Variants in PROSER1 observed in about 807,000 individuals in gnomAD.
PROSER1 encodes the protein proline and serine rich 1.
In PROSER1, 36 loss-of-function variants were observed where a neutral mutation model predicts 71.8. The observed-to-expected ratio is 0.50, with a 90% CI of 0.38 to 0.66. The LOEUF (loss-of-function observed/expected upper bound fraction) is 0.66, where lower values mean the gene tolerates loss of function less well. PROSER1 is among the 30% of genes least tolerant of loss of function. PROSER1 has a pLI of 0.00. For missense variants in PROSER1, 1,107 were observed against 1,135.0 expected (o/e 0.98, Z 0.35); for synonymous variants, 490 against 452.4 (o/e 1.08, Z -1.06).
At position 39,013,444 on chromosome 13, in the gene PROSER1, A is replaced by G. The variant is rs764403218; in HGVS notation, c.1808T>C (p.Leu603Pro). 20 of 1,614,016 alleles carry G rather than the reference A, an allele frequency of 1.2e-5. No individual in the cohort carries two copies. Among genetic ancestry groups the G allele is most frequent in the Non-Finnish European group, 1.5e-5 (18 of 1,180,042 alleles). The change falls in exon 11 of 13, where the codon CTT (leucine) becomes CCT (proline). Residue 603 changes from leucine (L) to proline (P), a missense_variant. Physicochemically the swap from Leu to Pro is moderately conservative, Grantham distance 98. Coordinates refer to ENST00000352251, the MANE Select transcript of PROSER1 (RefSeq NM_025138.5). ...GGGCTCAGTTTTGATCATAACAGGA[A>G]GAGTTGTTGCAGCAGGGGTAGATGA... is the stretch of plus-strand genomic sequence containing the variant. ...HISSTPAATT[L>P]PVMIKTEPTS...
At chr13:39,032,974 G>A (rs55662135) in intron 2 of PROSER1, among the ~76,000 whole-genome samples, 1,677 of 150,710 alleles carry the variant, frequency 0.011, 18 homozygotes, top group Non-Finnish European at 0.016. Flanking sequence ...AGGCTGGAGC[G>A]CAATGGCGCG....
intron 1 of PROSER1, among the ~76,000 whole-genome samples, chr13:39,035,466 C>T (rs3865000): frequency 0.32 from 48,865 of 152,028 alleles, 9,673 homozygotes; most frequent in African/African-American, 0.55. Context: ...CAGCTATAAG[C>T]AAGAAGTACA....
At chr13:39,022,436 A>T in intron 8 of PROSER1, 24 bp from the exon 9 acceptor site, 2 of 1,505,312 alleles carry the variant, frequency 1.3e-6, no homozygotes, top group Non-Finnish European at 1.9e-6. Context: ...ACAATAGAAA[A>T]AAATATACCT....
At chr13:39,032,231 T>C (rs1388310509) in intron 2 of PROSER1, among the ~76,000 whole-genome samples, 3 of 152,164 alleles carry the variant, frequency 2.0e-5, no homozygotes, top group Admixed American at 2.0e-4. Context: ...TCTAGTCCCT[T>C]AAAAATGTTA....
At chr13:39,018,262 G>A (rs1364177541) in intron 9 of PROSER1, among the ~76,000 whole-genome samples, 1 of 152,116 alleles carries the variant, frequency 6.6e-6, no homozygotes, top group Non-Finnish European at 1.5e-5. Flanking sequence ...TACAAAGGGA[G>A]AAAAATTTAA....
chr13:39,024,605 T>G, intron 6 of PROSER1, 49 bp from the exon 7 acceptor site: 6 of 1,357,408 alleles, frequency 4.4e-6, no homozygotes, highest in Non-Finnish European at 6.0e-6. Flanking sequence ...AAAAAAACCC[T>G]CAAACCAGTA....
In PROSER1 at chr13:39,012,993, A is replaced by C. The variant is rs1234565266; in HGVS notation, c.2259T>G (p.Ala753=). ...STAAVLSGLS[A]SAPVSAAPFP... ...AAGGTGCTGCTGAGACTGGTGCTGA[A>C]GCAGAAAGCCCTGAGAGAACAGCTG... Residue 753 remains alanine, a synonymous_variant, in exon 11 of 13, where the codon GCT becomes GCG. Coordinates refer to ENST00000352251, the MANE Select transcript of PROSER1 (RefSeq NM_025138.5). 2 of 1,614,174 alleles carry C rather than the reference A, an allele frequency of 1.2e-6. No individual in the cohort carries two copies. Among genetic ancestry groups the C allele is most frequent in the South Asian group, 2.2e-5 (2 of 91,086 alleles).
intron 5 of PROSER1, among the ~76,000 whole-genome samples, chr13:39,027,746 T>A (rs1156849729): frequency 6.6e-6 from 1 of 152,182 alleles, no homozygotes; most frequent in Non-Finnish European, 1.5e-5. Context: ...CTACCTTAGA[T>A]GACAAATCAA....
Position 39,028,211 on chromosome 13 carries a change from A to G in PROSER1, c.369+16T>C. 1 of 1,406,048 alleles carries G rather than the reference A, an allele frequency of 7.1e-7. No individual in the cohort carries two copies. The highest frequency in any genetic ancestry group is 1.0e-6 in the Non-Finnish European group (1 of 993,568). The allele number at this position is 1,406,048 out of a possible 1,614,324, so 87.1% of individuals were successfully genotyped here. A position where few individuals can be genotyped will look rare whatever the true frequency, so the allele number is the denominator to read the frequency against. Reference sequence around the variant, plus strand: ...AAACCAGCGTACCAAGTACATGACAATCTTTAGAAAACTACCTGTTCAAGT... The same window carrying G: ...AAACCAGCGTACCAAGTACATGACAGTCTTTAGAAAACTACCTGTTCAAGT... On this transcript the variant is annotated intron_variant, in intron 5 of 12. Transcript: ENST00000352251.
intron 2 of PROSER1, among the ~76,000 whole-genome samples, 181 bp downstream of exon 2, chr13:39,033,950 A>G (rs893324338): frequency 1.3e-5 from 2 of 152,166 alleles, no homozygotes; most frequent in Non-Finnish European, 2.9e-5. Flanking sequence ...GAAAGTGGAG[A>G]GGTGCTTAGT....
chr13:39,036,623 A>C (rs931291430), intron 1 of PROSER1, among the ~76,000 whole-genome samples: 2 of 152,206 alleles, frequency 1.3e-5, no homozygotes, highest in African/African-American at 4.8e-5. Context: ...CAGCCTCAAA[A>C]AGCAGCAAAA....
At chr13:39,028,193 C>T (rs538260208) in intron 5 of PROSER1, 34 bp downstream of exon 5, 15 of 1,156,064 alleles carry the variant, frequency 1.3e-5, no homozygotes, top group South Asian at 6.5e-5. Context: ...GAAAAACCAG[C>T]GTACCAAGTA....
chr13:39,034,084 C>T (rs1566029542), intron 2 of PROSER1, 47 bp downstream of exon 2: 7 of 1,360,370 alleles, frequency 5.1e-6, no homozygotes, highest in Non-Finnish European at 7.0e-6. Flanking sequence ...TTAACCAGAA[C>T]ATTGGTATAA....
chr13:39,028,841 T>A (rs529036422), intron 4 of PROSER1, among the ~76,000 whole-genome samples: 1 of 151,950 alleles, frequency 6.6e-6, no homozygotes, highest in Non-Finnish European at 1.5e-5. Flanking sequence ...TCAAATGCTG[T>A]GGTAGGTGCT....
rs1195882687 is a variant in PROSER1, at chr13:39,038,081, C to T, written c.-839G>A. ...AACACTGCGCCGCCAGCTTGGGCCCCTCTTTCCTGAAAGCCAGAGGTGGGG... is the reference window on the plus strand; with the variant it reads ...AACACTGCGCCGCCAGCTTGGGCCCTTCTTTCCTGAAAGCCAGAGGTGGGG... On this transcript the variant is annotated 5_prime_UTR_variant, in exon 1 of 13. Coordinates refer to ENST00000352251, the MANE Select transcript of PROSER1 (RefSeq NM_025138.5). 1.3e-5 allele frequency: 2 copies of T among 153,986 alleles called. No homozygotes were observed. Among genetic ancestry groups the T allele is most frequent in the African/African-American group, 4.8e-5 (2 of 41,440 alleles). 9.5% of individuals were successfully genotyped at this position (153,986 alleles called of 1,614,324 possible).
At position 39,010,669 on chromosome 13, in the gene PROSER1, T is replaced by C. The variant is rs1869598937; in HGVS notation, c.*696A>G. On this transcript the variant is annotated 3_prime_UTR_variant, in exon 13 of 13. Coordinates refer to ENST00000352251, the MANE Select transcript of PROSER1 (RefSeq NM_025138.5). ...ATACTGCTGAGATTAGGAAAACTGT[T>C]TTGAAGGCAAATTATCCTAAGTCTT... is the stretch of plus-strand genomic sequence containing the variant. 6.6e-6 allele frequency: 1 copy of C among 152,632 alleles called. No individual in the cohort carries two copies. Among genetic ancestry groups the C allele is most frequent in the Non-Finnish European group, 1.5e-5 (1 of 68,054 alleles). The allele number at this position is 152,632 out of a possible 1,614,324, so 9.5% of individuals were successfully genotyped here.
intron 4 of PROSER1, 121 bp downstream of exon 4, chr13:39,029,160 G>T: frequency 1.7e-6 from 1 of 572,606 alleles, no homozygotes; most frequent in African/African-American, 2.1e-5. Flanking sequence ...AAATCAGAAT[G>T]TACCACTATG....
intron 9 of PROSER1, 96 bp downstream of exon 9, chr13:39,022,230 C>A (rs1870324390): frequency 1.2e-6 from 1 of 827,344 alleles, no homozygotes; most frequent in Non-Finnish European, 2.1e-6. Flanking sequence ...AGCTTGTGTT[C>A]CCTCTGTTAG....
chr13:39,022,502 T>C, intron 8 of PROSER1, 90 bp from the exon 9 acceptor site: 1 of 812,078 alleles, frequency 1.2e-6, no homozygotes, highest in Non-Finnish European at 2.1e-6. Flanking sequence ...ACTATATTAA[T>C]GCAGCTATTC....
Sources: allele counts gnomAD v4.1 joint callset (sites outside exome capture counted in the v4.1 genomes callset), GRCh38; gene constraint gnomAD v4.1.1; transcripts MANE v1.5; gene names NCBI Gene and HGNC (gene_info 2026-07-23, HGNC 2026-07-21).